OR1J2: variants seen among roughly 807,000 people sequenced by gnomAD.
OR1J2 encodes the protein olfactory receptor family 1 subfamily J member 2.
For synonymous variants in OR1J2, 142 were observed against 99.7 expected (o/e 1.42, Z -2.52); for missense variants, 304 against 246.1 (o/e 1.24, Z -1.57).
At chr9:122,451,591 C>T in the OR1J2 span, among the ~76,000 whole-genome samples, 2 of 152,210 alleles carry the variant, frequency 1.3e-5, no homozygotes, top group South Asian at 2.1e-4. Flanking sequence ...ATGAGTATTG[C>T]ATCAACTGGA....
chr9:122,472,848 T>G, the OR1J2 span, among the ~76,000 whole-genome samples: 1 of 152,200 alleles, frequency 6.6e-6, no homozygotes, highest in Non-Finnish European at 1.5e-5. Context: ...TTAAAGGAAT[T>G]GATTCTTGGA....
the OR1J2 span, among the ~76,000 whole-genome samples, chr9:122,485,104 A>G: frequency 5.3e-5 from 8 of 152,252 alleles, no homozygotes; most frequent in East Asian, 1.4e-3. Context: ...ACCATGTCCT[A>G]CCAGTCCTGG....
At chr9:122,455,009 A>G in the OR1J2 span, among the ~76,000 whole-genome samples, 1 of 152,174 alleles carries the variant, frequency 6.6e-6, no homozygotes, top group African/African-American at 2.4e-5. Context: ...ACTTTACATA[A>G]TGTTTTCAAG....
At chr9:122,568,357 T>C in the OR1J2 span, 2 of 1,613,898 alleles carry the variant, frequency 1.2e-6, no homozygotes, top group African/African-American at 1.3e-5. Flanking sequence ...AGGTTCCCTG[T>C]TATGGTGACC....
the OR1J2 span, among the ~76,000 whole-genome samples, chr9:122,459,887 G>C: frequency 2.6e-5 from 4 of 151,916 alleles, no homozygotes; most frequent in Admixed American, 1.3e-4. Flanking sequence ...TATTGAATTA[G>C]ATTGGTGCAA....
At chr9:122,558,188 ATGTCC>A in the OR1J2 span, among the ~76,000 whole-genome samples, 2 of 150,374 alleles carry the variant, frequency 1.3e-5, no homozygotes, top group African/African-American at 2.4e-5. Context: ...TTCTTTAATA[ATGTCC>A]TATTGTCCTA....
chr9:122,463,842 G>A, the OR1J2 span, among the ~76,000 whole-genome samples: 4 of 152,330 alleles, frequency 2.6e-5, no homozygotes, highest in South Asian at 8.3e-4. Context: ...GGGGAGTGAA[G>A]TGGACTCTGT....
At chr9:122,555,446 C>T in the OR1J2 span, among the ~76,000 whole-genome samples, 2 of 152,156 alleles carry the variant, frequency 1.3e-5, no homozygotes, top group Non-Finnish European at 2.9e-5. Flanking sequence ...TAGCAATCTG[C>T]GGCTGCAATT....
chr9:122,498,812 T>A, the OR1J2 span, among the ~76,000 whole-genome samples: 12,316 of 152,228 alleles, frequency 0.081, 716 homozygotes, highest in Admixed American at 0.12. Flanking sequence ...TTTTCTTTCT[T>A]TCCCGTTAAT....
the OR1J2 span, among the ~76,000 whole-genome samples, chr9:122,456,275 C>T: frequency 6.6e-6 from 1 of 152,084 alleles, no homozygotes; most frequent in Non-Finnish European, 1.5e-5. Flanking sequence ...CAGGAATAAA[C>T]ACGTGCCTAG....
chr9:122,511,488 T>A lies in OR1J2; in HGVS notation c.687T>A (p.Pro229=), dbSNP rs1828636213. Residue 229 remains proline (P), a synonymous_variant, in exon 1 of 1, where the codon CCT becomes CCA. Transcript: ENST00000335302. The part of the protein sequence containing the change: ...GYIGATILRV[P]STKGIHKALS... ...TTGGGGCCACCATCCTGAGGGTCCC[T>A]TCAACCAAAGGGATCCACAAAGCAT... The A allele has an allele frequency of 1.3e-6, 1 of 780,836 alleles. No homozygotes were observed. The highest frequency in any genetic ancestry group is 2.4e-6 in the Non-Finnish European group (1 of 418,080). 48.4% of individuals were successfully genotyped at this position (780,836 alleles called of 1,614,324 possible).
At chr9:122,485,960 G>GTTTT in the OR1J2 span, among the ~76,000 whole-genome samples, 8 of 138,642 alleles carry the variant, frequency 5.8e-5, no homozygotes, top group Non-Finnish European at 6.2e-5. Context: ...TCCCACATAA[G>GTTTT]TTTTTTTTTT....
chr9:122,455,597 G>A, the OR1J2 span, among the ~76,000 whole-genome samples: 7 of 152,038 alleles, frequency 4.6e-5, no homozygotes, highest in African/African-American at 1.7e-4. Flanking sequence ...TTCTGGATAA[G>A]ATATCGATAT....
chr9:122,536,721 C>A, the OR1J2 span, among the ~76,000 whole-genome samples: 1 of 152,166 alleles, frequency 6.6e-6, no homozygotes, highest in African/African-American at 2.4e-5. Flanking sequence ...TGGGAGCTAT[C>A]TCTTGGAAAT....
At chr9:122,526,376 C>T in the OR1J2 span, 1 of 1,504,624 alleles carries the variant, frequency 6.6e-7, no homozygotes, top group Non-Finnish European at 8.9e-7. Context: ...AAACAATACT[C>T]CTGTGACTGA....
the OR1J2 span, among the ~76,000 whole-genome samples, chr9:122,465,922 T>C: frequency 6.6e-6 from 1 of 152,226 alleles, no homozygotes; most frequent in African/African-American, 2.4e-5. Context: ...TCACTGATGA[T>C]TCCTCTAAAT....
chr9:122,543,816 G>A, the OR1J2 span, among the ~76,000 whole-genome samples: 20,772 of 152,110 alleles, frequency 0.14, 1,660 homozygotes, highest in East Asian at 0.33. Flanking sequence ...CTTAGCCGTC[G>A]AGGAGACATC....
chr9:122,568,473 T>C, the OR1J2 span: 7 of 1,565,728 alleles, frequency 4.5e-6, no homozygotes, highest in East Asian at 1.6e-4. Context: ...GTTGATTCTT[T>C]CCATTGACTT....
At chr9:122,578,977 A>G in the OR1J2 span, among the ~76,000 whole-genome samples, 7 of 32,078 alleles carry the variant, frequency 2.2e-4, no homozygotes, top group Non-Finnish European at 4.6e-4. Flanking sequence ...AATCTCAGAA[A>G]TTACCACTAA....
Sources: allele counts gnomAD v4.1 joint callset (sites outside exome capture counted in the v4.1 genomes callset), GRCh38; gene constraint gnomAD v4.1.1; transcripts MANE v1.5; gene names NCBI Gene and HGNC (gene_info 2026-07-23, HGNC 2026-07-21).